SAMMSON: variants seen among roughly 807,000 people sequenced by gnomAD.
SAMMSON encodes long intergenic non-protein coding RNA 1212.
chr3:70,194,588 C>A (rs1701157197), intron 4 of SAMMSON, among the ~76,000 whole-genome samples: 1 of 152,130 alleles, frequency 6.6e-6, no homozygotes, highest in African/African-American at 2.4e-5. Flanking sequence ...AAGTGAGGAA[C>A]AAAGTTAACA....
intron 7 of SAMMSON, among the ~76,000 whole-genome samples, chr3:70,347,207 A>G (rs1323020264): frequency 2.0e-5 from 3 of 152,244 alleles, no homozygotes; most frequent in Non-Finnish European, 4.4e-5. Flanking sequence ...AAGCAGTGGC[A>G]AGTACAAAAA....
At chr3:70,214,874 T>A (rs923284161) in intron 4 of SAMMSON, among the ~76,000 whole-genome samples, 1 of 152,050 alleles carries the variant, frequency 6.6e-6, no homozygotes, top group Non-Finnish European at 1.5e-5. Flanking sequence ...ATAAAGATTA[T>A]GTTATCTGAG....
intron 9 of SAMMSON, among the ~76,000 whole-genome samples, chr3:70,387,078 T>C (rs1052606430): frequency 3.3e-5 from 5 of 151,994 alleles, no homozygotes; most frequent in Non-Finnish European, 1.5e-5. Context: ...TAGGGGGACA[T>C]GGCAAGGAGA....
intron 2 of SAMMSON, among the ~76,000 whole-genome samples, chr3:70,411,719 C>T (rs1311040484): frequency 6.6e-6 from 1 of 152,144 alleles, no homozygotes; most frequent in Non-Finnish European, 1.5e-5. Flanking sequence ...AGTTCCCCTG[C>T]ATGCACTGTC....
At position 70,149,699 on chromosome 3, in the gene SAMMSON, A is replaced by C. The variant is rs564015794; in HGVS notation, n.507+78134A>C. The stretch of plus-strand genomic sequence containing the variant: ...AGCTGCCAGAGGTGATTTTTAGGCC[A>C]TGGGGAATTTGCATTATGTTGTCCC... On this transcript the variant is annotated intron_variant and non_coding_transcript_variant, in intron 4 of 9. Transcript: ENST00000642114. Among the ~76,000 whole-genome samples the C allele has an allele frequency of 2.6e-5, 4 of 152,238 alleles. No individual in the cohort carries two copies. In the South Asian group the frequency reaches 8.3e-4, roughly 32 times the overall value.
At chr3:70,313,049 C>T (rs1164368143) in intron 7 of SAMMSON, among the ~76,000 whole-genome samples, 1 of 152,084 alleles carries the variant, frequency 6.6e-6, no homozygotes, top group Non-Finnish European at 1.5e-5. Flanking sequence ...TTTTTTCCAC[C>T]TAATATTTTA....
intron 3 of SAMMSON, among the ~76,000 whole-genome samples, chr3:70,039,948 C>T (rs991325565): frequency 2.6e-5 from 4 of 152,114 alleles, no homozygotes; most frequent in African/African-American, 9.7e-5. Context: ...GATGGCCCTT[C>T]ACAAGTTCCT....
At chr3:70,344,909 C>T (rs961086194) in intron 7 of SAMMSON, among the ~76,000 whole-genome samples, 1 of 152,154 alleles carries the variant, frequency 6.6e-6, no homozygotes, top group African/African-American at 2.4e-5. Context: ...TATTCTGCTT[C>T]CTTTTATTAG....
intron 3 of SAMMSON, among the ~76,000 whole-genome samples, chr3:70,021,469 A>C (rs549593873): frequency 6.6e-6 from 1 of 152,336 alleles, no homozygotes; most frequent in East Asian, 1.9e-4. Flanking sequence ...TGGCAAAATG[A>C]GGAAGTGGCA....
chr3:70,411,178 A>G (rs948814302), intron 2 of SAMMSON, among the ~76,000 whole-genome samples: 2 of 152,160 alleles, frequency 1.3e-5, no homozygotes, highest in Non-Finnish European at 2.9e-5. Flanking sequence ...AGAGACAAGA[A>G]TTTTGCCAAG....
intron 2 of SAMMSON, among the ~76,000 whole-genome samples, chr3:70,425,586 C>CT (rs1575646862): frequency 1.5e-5 from 2 of 129,228 alleles, no homozygotes; most frequent in Admixed American, 7.9e-5. Context: ...TATTTTTTTT[C>CT]TTTTTTTTAG....
intron 4 of SAMMSON, among the ~76,000 whole-genome samples, chr3:70,215,720 C>A (rs1701401584): frequency 6.6e-6 from 1 of 152,060 alleles, no homozygotes; most frequent in East Asian, 1.9e-4. Context: ...AATACATAAG[C>A]CATTCAGCTC....
intron 3 of SAMMSON, among the ~76,000 whole-genome samples, chr3:70,063,549 A>G (rs770851332): frequency 4.6e-5 from 7 of 152,032 alleles, no homozygotes; most frequent in Admixed American, 6.6e-5. Context: ...AGCTGCAAAG[A>G]ATTACATCTT....
chr3:70,061,340 A>C (rs2107591935), intron 3 of SAMMSON, among the ~76,000 whole-genome samples: 2 of 152,278 alleles, frequency 1.3e-5, no homozygotes, highest in East Asian at 3.9e-4. Flanking sequence ...TCTAAGCCAG[A>C]GGTCCTAAAT....
intron 8 of SAMMSON, among the ~76,000 whole-genome samples, chr3:70,354,734 G>T (rs974980452): frequency 6.6e-6 from 1 of 152,134 alleles, no homozygotes; most frequent in Non-Finnish European, 1.5e-5. Flanking sequence ...TCCTAAATTT[G>T]GTTTGAGGAC....
chr3:70,012,988 A>T (rs2107577655), intron 2 of SAMMSON, among the ~76,000 whole-genome samples: 1 of 152,314 alleles, frequency 6.6e-6, no homozygotes, highest in African/African-American at 2.4e-5. Flanking sequence ...TCCAGTTTGT[A>T]GACTCTGGAG....
intron 3 of SAMMSON, chr3:70,030,733 G>C (rs372779558): frequency 3.9e-5 from 6 of 152,250 alleles, no homozygotes; most frequent in African/African-American, 1.4e-4. Flanking sequence ...GGCAAAGGAC[G>C]TGAATAGACA....
intron 3 of SAMMSON, among the ~76,000 whole-genome samples, chr3:70,030,184 AGTGTT>A: frequency 6.6e-6 from 1 of 152,328 alleles, no homozygotes; most frequent in East Asian, 1.9e-4. Flanking sequence ...CTGAGTGTTT[AGTGTT>A]ATCAAATCAA....
intron 3 of SAMMSON, among the ~76,000 whole-genome samples, chr3:70,064,236 G>T (rs1012043725): frequency 6.6e-6 from 1 of 152,144 alleles, no homozygotes; most frequent in Non-Finnish European, 1.5e-5. Flanking sequence ...GAAGGAAAAT[G>T]CCCTGTGTTT....
Sources: allele counts gnomAD v4.1 joint callset (sites outside exome capture counted in the v4.1 genomes callset), GRCh38; gene constraint gnomAD v4.1.1; transcripts MANE v1.5; gene names NCBI Gene and HGNC (gene_info 2026-07-23, HGNC 2026-07-21).